Variants in GRINA observed in about 807,000 individuals in gnomAD.
GRINA encodes the protein glutamate ionotropic receptor NMDA type subunit associated protein 1.
In GRINA, 26 loss-of-function variants were observed where a neutral mutation model predicts 42.5. The observed-to-expected ratio is 0.61, with a 90% CI of 0.45 to 0.85. The LOEUF (loss-of-function observed/expected upper bound fraction) is 0.85, where lower values mean the gene tolerates loss of function less well. Ranked by LOEUF, GRINA falls within the 40% of genes least tolerant of loss-of-function variation. GRINA has a pLI of 0.00. For synonymous variants in GRINA, 256 were observed against 204.2 expected, an observed-to-expected ratio of 1.25 and a Z score of -2.17; for missense variants, 475 against 481.5, an observed-to-expected ratio of 0.99 and a Z score of 0.13.
In GRINA at chr8:143,992,549, A is replaced by T. The variant is rs781901549; in HGVS notation, c.907A>T (p.Ile303Phe). The T allele has an allele frequency of 1.2e-6, 2 of 1,613,992 alleles. No individual in the cohort carries two copies. Among genetic ancestry groups the T allele is most frequent in the African/African-American group, 1.3e-5 (1 of 74,914 alleles). The change falls in exon 6 of 7, where the codon ATC becomes TTC. Residue 303 changes from isoleucine (I) to phenylalanine (F), a missense_variant. This residue lies in a region of GRINA where 154 missense variants were observed against 214.2 expected (regional missense o/e 0.72). Transcript: ENST00000395068. Reference protein sequence around the residue: ...LFIFAILCIFIRNRILEIVYA... With the variant: ...LFIFAILCIFFRNRILEIVYA... The stretch of plus-strand genomic sequence containing the variant: ...CATCTTCGCCATTCTCTGCATCTTC[A>T]TCCGGAACCGCATCCTGGAGATCGT...
rs782308124 is a variant in GRINA, at chr8:143,991,666, G to A, written c.380-26G>A. 16 of 1,595,602 alleles carry A rather than the reference G, an allele frequency of 1.0e-5. 1 individual carries two copies. The highest frequency in any genetic ancestry group is 6.7e-5 in the East Asian group (3 of 44,802). ...GCAGGGGGAGGTGCTTGTGAGTGGC[G>A]CTGACCCAGCCTGTCTGCTTCTCAG... On this transcript the variant is annotated intron_variant, in intron 2 of 6. Transcript: ENST00000395068.
Position 143,992,987 on chromosome 8 carries a change from T to C in GRINA, c.*146T>C. The C allele has an allele frequency of 3.0e-6, 2 of 665,968 alleles. No homozygotes were observed. The highest frequency in any genetic ancestry group is 5.4e-5 in the East Asian group (2 of 36,740). The allele number at this position is 665,968 out of a possible 1,614,324, so 41.3% of individuals were successfully genotyped here. A position where few individuals can be genotyped will look rare whatever the true frequency, so the allele number is the denominator to read the frequency against. Reference sequence around the variant, plus strand: ...GATGCCTCTCTCCAACCCTCCTGTATGTACACTGCAGATACTTCCATTTGG... The same window carrying C: ...GATGCCTCTCTCCAACCCTCCTGTACGTACACTGCAGATACTTCCATTTGG... On this transcript the variant is annotated 3_prime_UTR_variant, in exon 7 of 7. Transcript: ENST00000395068.
chr8:143,992,178 A>AGGCAGGGGCC, intron 4 of GRINA, 67 bp from the exon 5 acceptor site: 2 of 1,601,468 alleles, frequency 1.2e-6, no homozygotes, highest in Non-Finnish European at 1.7e-6. Context: ...TGTGCTCATG[A>AGGCAGGGGCC]GGCAGGGGCC....
In GRINA at chr8:143,992,048, G is replaced by T; in HGVS notation, c.663G>T (p.Arg221=). The part of the protein sequence containing the change: ...LIVLSCCGDF[R]RKHPWNLVAL... ...TCCTCAGCTGTTGTGGGGACTTCCG[G>T]CGAAAGCACCCCTGGAACCTTGTTG... The change falls in exon 4 of 7, where the codon CGG becomes CGT. Residue 221 remains arginine, a synonymous_variant. Coordinates refer to ENST00000395068, the MANE Select transcript of GRINA (RefSeq NM_001009184.2). The T allele has an allele frequency of 1.2e-6, 2 of 1,613,948 alleles. No homozygotes were observed. Among genetic ancestry groups the T allele is most frequent in the Non-Finnish European group, 1.7e-6 (2 of 1,179,952 alleles).
rs782305188 is a variant in GRINA at position 143,991,375 on chromosome 8, C to A, written c.152C>A (p.Pro51His). ...PYPQPPFQPS[P>H]YGQPGYPHGP... ...CCACAGCCCCCTTTCCAGCCCTCCC[C>A]CTACGGTCAGCCAGGGTACCCCCAT... Residue 51 changes from proline to histidine, a missense_variant, in exon 2 of 7, where the codon CCC (proline) becomes CAC (histidine). By Grantham distance (77) the Pro-to-His change is moderately conservative. Coordinates refer to ENST00000395068, the MANE Select transcript of GRINA (RefSeq NM_001009184.2). The A allele has an allele frequency of 1.1e-5, 13 of 1,212,580 alleles. No individual in the cohort carries two copies. Among genetic ancestry groups the A allele is most frequent in the Admixed American group, 7.6e-5 (3 of 39,302 alleles). 75.1% of individuals were successfully genotyped at this position (1,212,580 alleles called of 1,614,324 possible).
Position 143,992,350 on chromosome 8 carries a change from ACCGTCGTCATCTTCT to A in GRINA, c.802_816del (p.Val268_Ser272del). 1 of 1,595,232 alleles carries A rather than the reference ACCGTCGTCATCTTCT, an allele frequency of 6.3e-7. No homozygotes were observed. The highest frequency in any genetic ancestry group is 8.6e-7 in the Non-Finnish European group (1 of 1,168,318). ...GGGCATCACCACAGCCGTCTGCTTC[ACCGTCGTCATCTTCT>A]CCATGCAGGTGAGGGGCCTCCCGTG... On this transcript the variant is annotated inframe_deletion, in exon 5 of 7. Coordinates refer to ENST00000395068, the MANE Select transcript of GRINA (RefSeq NM_001009184.2).
At position 143,992,387 on chromosome 8, in the gene GRINA, C is replaced by T. The variant is rs782310784; in HGVS notation, c.822+14C>T. The T allele has an allele frequency of 6.2e-6, 10 of 1,608,016 alleles. No individual in the cohort carries two copies. Among genetic ancestry groups the T allele is most frequent in the East Asian group, 4.5e-5 (2 of 44,736 alleles). On this transcript the variant is annotated intron_variant, in intron 5 of 6. Transcript: ENST00000395068. ...TTCTCCATGCAGGTGAGGGGCCTCCCGTGGCTGGGCTGTGGCCGCAGGGGC... is the reference window on the plus strand; with the variant it reads ...TTCTCCATGCAGGTGAGGGGCCTCCTGTGGCTGGGCTGTGGCCGCAGGGGC...
In GRINA at chr8:143,991,611, C is replaced by T. The variant is rs782125446; in HGVS notation, c.379+9C>T. 1.2e-6 allele frequency: 2 copies of T among 1,605,136 alleles called. No individual in the cohort carries two copies. The highest frequency in any genetic ancestry group is 1.1e-5 in the South Asian group (1 of 90,934). On this transcript the variant is annotated intron_variant, in intron 2 of 6. Coordinates refer to ENST00000395068, the MANE Select transcript of GRINA (RefSeq NM_001009184.2). Reference sequence around the variant, plus strand: ...AGGACAAGACCCTGACTGTGAGTCTCAGGAAGGGAGGGGTGGGGTGGCCGG... The same window carrying T: ...AGGACAAGACCCTGACTGTGAGTCTTAGGAAGGGAGGGGTGGGGTGGCCGG...
chr8:143,992,493 G>T lies in GRINA; in HGVS notation c.851G>T (p.Gly284Val). Reference protein sequence around the residue: ...QTRYDFTSCMGVLLVSMVVLF... With the variant: ...QTRYDFTSCMVVLLVSMVVLF... Reference sequence around the variant, plus strand: ...CGCTACGACTTCACCTCATGCATGGGCGTGCTCCTGGTGAGCATGGTGGTG... The same window carrying T: ...CGCTACGACTTCACCTCATGCATGGTCGTGCTCCTGGTGAGCATGGTGGTG... Residue 284 changes from glycine to valine, a missense_variant, in exon 6 of 7, where the codon GGC becomes GTC. Gly to Val is a moderately radical substitution (Grantham distance 109). Transcript: ENST00000395068. 6.2e-7 allele frequency: 1 copy of T among 1,614,148 alleles called. No homozygotes were observed. The highest frequency in any genetic ancestry group is 8.5e-7 in the Non-Finnish European group (1 of 1,180,032).
chr8:143,991,924 T>G lies in GRINA; in HGVS notation c.539T>G (p.Val180Gly). 1 of 1,613,572 alleles carries G rather than the reference T, an allele frequency of 6.2e-7. No homozygotes were observed. Among genetic ancestry groups the G allele is most frequent in the Non-Finnish European group, 8.5e-7 (1 of 1,179,722 alleles). ...CAGCTGTCGGTGACCCTGTCCACGG[T>G]GTCTGTGTTCACTTTTGTTGCGGAG... ...TLQLSVTLST[V>G]SVFTFVAEVK... is the part of the protein sequence containing the mutation. Residue 180 changes from valine to glycine, a missense_variant, in exon 4 of 7, where the codon GTG becomes GGG. By Grantham distance (109) the Val-to-Gly change is moderately radical. Coordinates refer to ENST00000395068, the MANE Select transcript of GRINA (RefSeq NM_001009184.2).
chr8:143,991,702 T>C lies in GRINA; in HGVS notation c.390T>C (p.His130=). The change falls in exon 3 of 7, where the codon CAT becomes CAC. Residue 130 remains histidine (H), a synonymous_variant. Coordinates refer to ENST00000395068, the MANE Select transcript of GRINA (RefSeq NM_001009184.2). ...CTGTCTGCTTCTCAGCACCCCAGCA[T>C]GGAAACTACCAGGAGGAGGGTCCCC... ...FPGQDPDSPQ[H]GNYQEEGPPS... The C allele has an allele frequency of 6.2e-7, 1 of 1,612,724 alleles. No homozygotes were observed.
intron 1 of GRINA, 101 bp from the exon 2 acceptor site, chr8:143,991,099 C>T: frequency 1.5e-6 from 1 of 645,368 alleles, no homozygotes; most frequent in Non-Finnish European, 2.7e-6. Context: ...TCTTCCCTTG[C>T]TTCCCCCTGG....
At position 143,991,409 on chromosome 8, in the gene GRINA, C is replaced by T. The variant is rs782438595; in HGVS notation, c.186C>T (p.Ser62=). ...AGCCAGGGTACCCCCATGGCCCCAG[C>T]CCCTACCCCCAAGGGGGCTACCCAC... ...YGQPGYPHGP[S]PYPQGGYPQG... Residue 62 remains serine (S), a synonymous_variant, in exon 2 of 7, where the codon AGC becomes AGT. Transcript: ENST00000395068. The T allele has an allele frequency of 1.0e-5, 13 of 1,257,570 alleles. 1 individual carries two copies. The highest frequency in any genetic ancestry group is 3.1e-5 in the South Asian group (2 of 64,888). 77.9% of individuals were successfully genotyped at this position (1,257,570 alleles called of 1,614,324 possible).
rs1218876267 is a variant in GRINA at position 143,991,592 on chromosome 8, A to G, written c.369A>G (p.Gln123=). The change falls in exon 2 of 7, where the codon CAA becomes CAG. Residue 123 remains glutamine, a synonymous_variant. Transcript: ENST00000395068. ...PYGQPQVFPG[Q]DPDSPQHGNY... ...GACAGCCACAGGTCTTCCCAGGACA[A>G]GACCCTGACTGTGAGTCTCAGGAAG... is the stretch of plus-strand genomic sequence containing the variant. 2 of 1,602,224 alleles carry G rather than the reference A, an allele frequency of 1.2e-6. No individual in the cohort carries two copies. The highest frequency in any genetic ancestry group is 1.3e-5 in the African/African-American group (1 of 74,766).
In GRINA at chr8:143,991,585, C is replaced by T; in HGVS notation, c.362C>T (p.Pro121Leu). Residue 121 changes from proline to leucine, a missense_variant, in exon 2 of 7, where the codon CCA becomes CTA. Coordinates refer to ENST00000395068, the MANE Select transcript of GRINA (RefSeq NM_001009184.2). Reference sequence around the variant, plus strand: ...CCCTATGGACAGCCACAGGTCTTCCCAGGACAAGACCCTGACTGTGAGTCT... The same window carrying T: ...CCCTATGGACAGCCACAGGTCTTCCTAGGACAAGACCCTGACTGTGAGTCT... ...PNPYGQPQVF[P>L]GQDPDSPQHG... is the part of the protein sequence containing the mutation. The T allele has an allele frequency of 6.2e-7, 1 of 1,603,252 alleles. No homozygotes were observed. The highest frequency in any genetic ancestry group is 8.5e-7 in the Non-Finnish European group (1 of 1,172,370).
At chr8:143,991,644 G>A (rs1554750520) in intron 2 of GRINA, 42 bp downstream of exon 2, 1 of 1,590,462 alleles carries the variant, frequency 6.3e-7, no homozygotes. Context: ...CGGGAGGGCA[G>A]GGGGAGGTGC....
rs782189706 is a variant in GRINA at position 143,991,334 on chromosome 8, C to T, written c.111C>T (p.Tyr37=). ...TGCCCCCCTATGCTCAGCCTCCCTA[C>T]CCTGGGGCCCCTTACCCACAGCCCC... is the stretch of plus-strand genomic sequence containing the variant. ...PPMPPYAQPP[Y]PGAPYPQPPF... Residue 37 remains tyrosine (Y), a synonymous_variant, in exon 2 of 7, where the codon TAC becomes TAT. Transcript: ENST00000395068. 8.0e-6 allele frequency: 11 copies of T among 1,379,776 alleles called. No individual in the cohort carries two copies. Among genetic ancestry groups the T allele is most frequent in the Admixed American group, 2.4e-5 (1 of 41,848 alleles). 85.5% of individuals were successfully genotyped at this position (1,379,776 alleles called of 1,614,324 possible).
In GRINA at chr8:143,991,191, C is replaced by T. The variant is rs782002411; in HGVS notation, c.-24-9C>T. On this transcript the variant is annotated splice_polypyrimidine_tract_variant and intron_variant, in intron 1 of 6. Coordinates refer to ENST00000395068, the MANE Select transcript of GRINA (RefSeq NM_001009184.2). ...AACTGTTCCACTGTTCCTTGTCTGT[C>T]TTCTCTAGGGGCGGACCGCGGAACC... 2 of 1,511,368 alleles carry T rather than the reference C, an allele frequency of 1.3e-6. No homozygotes were observed. Among genetic ancestry groups the T allele is most frequent in the Admixed American group, 2.2e-5 (1 of 45,398 alleles). The allele number at this position is 1,511,368 out of a possible 1,614,324, so 93.6% of individuals were successfully genotyped here.
chr8:143,992,230 G>C lies in GRINA; in HGVS notation c.694-15G>C, dbSNP rs1420192142. 6 of 1,604,184 alleles carry C rather than the reference G, an allele frequency of 3.7e-6. No homozygotes were observed. Among genetic ancestry groups the C allele is most frequent in the Non-Finnish European group, 5.1e-6 (6 of 1,174,330 alleles). ...GGGCACACACCCAAGGTCAGCCTGTGTCTCCCAACTGCAGTCGGTCCTGAC... is the reference window on the plus strand; with the variant it reads ...GGGCACACACCCAAGGTCAGCCTGTCTCTCCCAACTGCAGTCGGTCCTGAC... On this transcript the variant is annotated splice_polypyrimidine_tract_variant and intron_variant, in intron 4 of 6. Coordinates refer to ENST00000395068, the MANE Select transcript of GRINA (RefSeq NM_001009184.2).
Sources: gnomAD v4.1 joint callset for allele counts on GRCh38, gnomAD v4.1.1 for gene constraint, gnomAD v4.1.1 regional missense constraint, MANE v1.5 for transcripts, NCBI Gene and HGNC (gene_info 2026-07-23, HGNC 2026-07-21) for gene names.